Variants in SLC24A3 observed in about 807,000 individuals in gnomAD.
The protein encoded by SLC24A3 is solute carrier family 24 member 3, also known as sodium/potassium/calcium exchanger 3.
A neutral mutation model predicts 75.8 loss-of-function variants in SLC24A3; 28 were observed. The ratio of observed to expected loss-of-function variants is 0.37; its 90% CI spans 0.27 to 0.51. The LOEUF is 0.51. SLC24A3 is among the 20% of genes least tolerant of loss of function. The pLI is 0.94. For synonymous variants in SLC24A3, 372 were observed against 334.1 expected, an observed-to-expected ratio of 1.11 and a Z score of -1.24; for missense variants, 663 against 847.8, an observed-to-expected ratio of 0.78 and a Z score of 2.71.
At chr20:19,479,661 C>T (rs530359017) in intron 2 of SLC24A3, among the ~76,000 whole-genome samples, 35 of 152,336 alleles carry the variant, frequency 2.3e-4, no homozygotes, top group African/African-American at 7.7e-4. Flanking sequence ...AAGCTTTCTC[C>T]AGCTGGAGAG....
At chr20:19,313,017 C>G (rs1159856917) in intron 2 of SLC24A3, among the ~76,000 whole-genome samples, 3 of 140,222 alleles carry the variant, frequency 2.1e-5, no homozygotes, top group Non-Finnish European at 4.6e-5. Flanking sequence ...AGTATTCTTC[C>G]TTTTCTCTTG....
At chr20:19,593,377 T>C (rs2031406136) in intron 6 of SLC24A3, among the ~76,000 whole-genome samples, 1 of 152,192 alleles carries the variant, frequency 6.6e-6, no homozygotes, top group Admixed American at 6.5e-5. Context: ...TAGCTGAACC[T>C]GAGTTGAAGG....
intron 1 of SLC24A3, among the ~76,000 whole-genome samples, chr20:19,275,434 T>C (rs993841989): frequency 3.3e-5 from 5 of 152,196 alleles, no homozygotes; most frequent in African/African-American, 1.2e-4. Context: ...GAGTTAAACC[T>C]CTTATCAGAG....
chr20:19,252,489 C>A (rs1416694106), intron 1 of SLC24A3, among the ~76,000 whole-genome samples: 1 of 152,156 alleles, frequency 6.6e-6, no homozygotes, highest in Non-Finnish European at 1.5e-5. Context: ...CACTAATTAA[C>A]CCAGACAGCT....
In SLC24A3 at chr20:19,685,381, G is replaced by A; in HGVS notation, c.1324+20G>A. 1 of 1,609,310 alleles carries A rather than the reference G, an allele frequency of 6.2e-7. No individual in the cohort carries two copies. The highest frequency in any genetic ancestry group is 1.7e-4 in the Middle Eastern group (1 of 6,036). On this transcript the variant is annotated intron_variant, in intron 12 of 16. Transcript: ENST00000328041. The stretch of plus-strand genomic sequence containing the variant: ...CCCCCTGTAAGAGGTTCTATGTCTG[G>A]GCTGGGGTTGGGAGCTATTTTGAGC...
At chr20:19,249,183 T>C (rs1033787433) in intron 1 of SLC24A3, among the ~76,000 whole-genome samples, 1 of 152,114 alleles carries the variant, frequency 6.6e-6, no homozygotes, top group Admixed American at 6.5e-5. Context: ...TGAAAAGCCA[T>C]TATAATTTTG....
In SLC24A3 at chr20:19,714,252, C is replaced by A. The variant is rs113089942; in HGVS notation, c.1720-3276C>A. Among the ~76,000 whole-genome samples, 221 of 151,886 alleles carry A rather than the reference C, an allele frequency of 1.5e-3. 2 individuals are homozygous for A. The Middle Eastern group carries it at 0.02, about 14-fold the overall frequency. ...ATCCTATCTTTACAAACAACAACAACAAATTAGCTAGGCATAGTGGTGTGT... is the reference window on the plus strand; with the variant it reads ...ATCCTATCTTTACAAACAACAACAAAAAATTAGCTAGGCATAGTGGTGTGT... On this transcript the variant is annotated intron_variant, in intron 15 of 16. Transcript: ENST00000328041.
chr20:19,721,319 C>T lies in SLC24A3; in HGVS notation c.*179C>T. 1.5e-6 allele frequency: 1 copy of T among 671,328 alleles called. No individual in the cohort carries two copies. The highest frequency in any genetic ancestry group is 3.1e-5 in the Admixed American group (1 of 32,168). The allele number at this position is 671,328 out of a possible 1,614,324, so 41.6% of individuals were successfully genotyped here. ...CCCTGACCCATCCTCGCTCCCCCAC[C>T]TCCTTGGGTCATGCCCACCCACCCT... On this transcript the variant is annotated 3_prime_UTR_variant, in exon 17 of 17. Transcript: ENST00000328041.
intron 2 of SLC24A3, among the ~76,000 whole-genome samples, chr20:19,453,927 A>G (rs1007539803): frequency 3.3e-5 from 5 of 152,160 alleles, no homozygotes; most frequent in Non-Finnish European, 7.3e-5. Context: ...AATACACGCA[A>G]AGTCTTCATT....
chr20:19,648,614 CAT>C (rs1405196022), intron 6 of SLC24A3, among the ~76,000 whole-genome samples: 1 of 151,766 alleles, frequency 6.6e-6, no homozygotes, highest in Non-Finnish European at 1.5e-5. Flanking sequence ...TGTATATTAT[CAT>C]ATATAAAAAT....
At chr20:19,383,728 G>T (rs1432509495) in intron 2 of SLC24A3, among the ~76,000 whole-genome samples, 2 of 152,226 alleles carry the variant, frequency 1.3e-5, no homozygotes, top group African/African-American at 2.4e-5. Flanking sequence ...TGGAGTCTGA[G>T]ATCAAGGTGC....
chr20:19,636,180 C>T (rs570541889), intron 6 of SLC24A3, among the ~76,000 whole-genome samples: 1 of 152,152 alleles, frequency 6.6e-6, no homozygotes, highest in East Asian at 1.9e-4. Context: ...CTCCCAAGGC[C>T]TTTTATGGTC....
At chr20:19,677,184 G>A (rs1230959484) in intron 9 of SLC24A3, among the ~76,000 whole-genome samples, 1 of 151,690 alleles carries the variant, frequency 6.6e-6, no homozygotes, top group Admixed American at 6.6e-5. Flanking sequence ...TAATCACTGG[G>A]CACTGTAGTG....
At chr20:19,348,812 G>T (rs1429826051) in intron 2 of SLC24A3, among the ~76,000 whole-genome samples, 1 of 152,156 alleles carries the variant, frequency 6.6e-6, no homozygotes, top group Admixed American at 6.5e-5. Flanking sequence ...TTGTCAGTCT[G>T]TGCTAGGTCT....
chr20:19,674,116 T>C (rs562883537), intron 9 of SLC24A3, among the ~76,000 whole-genome samples: 1 of 152,194 alleles, frequency 6.6e-6, no homozygotes, highest in East Asian at 1.9e-4. Flanking sequence ...ATTCCTAGGG[T>C]AGGACCTTCA....
At chr20:19,436,001 G>A (rs1987194034) in intron 2 of SLC24A3, among the ~76,000 whole-genome samples, 1 of 152,136 alleles carries the variant, frequency 6.6e-6, no homozygotes, top group African/African-American at 2.4e-5. Context: ...GTGCTGACTT[G>A]TGCTTGGCAA....
Position 19,297,777 on chromosome 20 carries a change from T to A in SLC24A3, c.271+16690T>A, listed in dbSNP as rs1402324478. On this transcript the variant is annotated intron_variant, in intron 2 of 16. Transcript: ENST00000328041. ...TACTTAGGTAAACTTTTAAAGAGAC[T>A]TTTGTGAAAAATGGAAACTTAGAGC... 8.5e-5 allele frequency among the ~76,000 whole-genome samples: 13 copies of A among 152,234 alleles called. 1 individual carries two copies. The highest frequency in any genetic ancestry group is 2.9e-5 in the Non-Finnish European group (2 of 68,044).
At chr20:19,339,621 C>T (rs1985222292) in intron 2 of SLC24A3, among the ~76,000 whole-genome samples, 2 of 152,176 alleles carry the variant, frequency 1.3e-5, no homozygotes, top group African/African-American at 4.8e-5. Context: ...AGAGATACCA[C>T]CCCGATCTAC....
intron 2 of SLC24A3, among the ~76,000 whole-genome samples, chr20:19,461,529 C>CTT (rs11468628): frequency 3.1e-4 from 31 of 101,416 alleles, no homozygotes; most frequent in East Asian, 5.6e-4. Context: ...TCTTTTTTTT[C>CTT]TTTTTTTTTT....
Sources: gnomAD v4.1 joint callset for allele counts (sites outside exome capture counted in the v4.1 genomes callset) on GRCh38, gnomAD v4.1.1 for gene constraint, MANE v1.5 for transcripts, NCBI Gene and HGNC (gene_info 2026-07-23, HGNC 2026-07-21) for gene names.